ATP2C1: variants seen among roughly 807,000 people sequenced by gnomAD.
The protein encoded by ATP2C1 is calcium-transporting ATPase type 2C member 1.
A neutral mutation model predicts 120.5 loss-of-function variants in ATP2C1; 31 were observed. The observed-to-expected ratio is 0.26, with a 90% confidence interval of 0.19 to 0.35. ATP2C1 has a LOEUF of 0.35. ATP2C1 is among the 10% of genes least tolerant of loss of function. The probability of loss-of-function intolerance (pLI) is 1.00; values close to 1 mark genes in which losing one functional copy is unlikely to be tolerated. For missense variants in ATP2C1, 731 were observed against 1,107.5 expected, an observed-to-expected ratio of 0.66 and a Z score of 4.83; for synonymous variants, 351 against 358.7, an observed-to-expected ratio of 0.98 and a Z score of 0.24.
upstream of ATP2C1, chr3:130,894,014 C>G (rs915019928): frequency 4.1e-6 from 4 of 986,296 alleles, no homozygotes; most frequent in African/African-American, 1.7e-5. The surrounding 1 kb of genome is among the most constrained non-coding windows in gnomAD (Gnocchi z 4.5). Flanking sequence ...GCGGCTGGCC[C>G]AGGAGTGCGG....
intron 25 of ATP2C1, 137 bp from the exon 26 acceptor site, chr3:130,998,157 G>C: frequency 1.4e-6 from 1 of 692,086 alleles, no homozygotes; most frequent in Non-Finnish European, 2.6e-6. Flanking sequence ...GGAAATTTAG[G>C]TAGCTTTTAT....
intron 1 of ATP2C1, among the ~76,000 whole-genome samples, chr3:130,886,752 A>T (rs906472942): frequency 2.0e-5 from 3 of 152,070 alleles, no homozygotes; most frequent in Non-Finnish European, 4.4e-5. Context: ...CTTTTCTGTT[A>T]TCTTGAATTT....
intron 5 of ATP2C1, among the ~76,000 whole-genome samples, 157 bp downstream of exon 5, chr3:130,934,868 G>A (rs1283741408): frequency 3.3e-5 from 5 of 151,958 alleles, no homozygotes; most frequent in Non-Finnish European, 5.9e-5. Flanking sequence ...GTTTCTTGTT[G>A]TATTGCCCAG....
intron 6 of ATP2C1, among the ~76,000 whole-genome samples, chr3:130,937,785 T>TA (rs1188772465): frequency 6.6e-6 from 1 of 152,148 alleles, no homozygotes; most frequent in Non-Finnish European, 1.5e-5. Context: ...TTTTTTCAAT[T>TA]AAAAAATTGG....
Position 130,942,748 on chromosome 3 carries a change from G to A in ATP2C1, c.531+1049G>A, listed in dbSNP as rs191571980. Among the ~76,000 whole-genome samples, 9 of 152,098 alleles carry A rather than the reference G, an allele frequency of 5.9e-5. No individual in the cohort carries two copies. The East Asian group carries it at 7.7e-4, about 13-fold the overall frequency. On this transcript the variant is annotated intron_variant, in intron 8 of 27. Transcript: ENST00000510168. ...ATTTTACTTCATTATCCTTTTTCTC[G>A]TCTTTGAGGTCTTTTTAATGTTAAT...
intron 26 of ATP2C1, among the ~76,000 whole-genome samples, chr3:131,012,116 T>G (rs2063337866): frequency 1.3e-5 from 2 of 152,166 alleles, no homozygotes; most frequent in South Asian, 4.1e-4. Context: ...TAGATGTAAT[T>G]CAGTGGTTTT....
chr3:130,897,849 G>C (rs545929007), intron 2 of ATP2C1, among the ~76,000 whole-genome samples: 74 of 152,204 alleles, frequency 4.9e-4, no homozygotes, highest in Middle Eastern at 3.4e-3. Context: ...GGAATTTTTG[G>C]ACTACTTAAC....
chr3:130,989,018 C>T (rs186337129), intron 20 of ATP2C1, among the ~76,000 whole-genome samples: 105 of 152,048 alleles, frequency 6.9e-4, no homozygotes, highest in African/African-American at 2.4e-3. Context: ...TTTGGGAGGC[C>T]GAGGCTGGTG....
At chr3:130,916,763 T>C (rs2058709436) in intron 2 of ATP2C1, among the ~76,000 whole-genome samples, 1 of 152,242 alleles carries the variant, frequency 6.6e-6, no homozygotes, top group African/African-American at 2.4e-5. Context: ...GACAGCTCAA[T>C]TTTTCTTTTT....
intron 18 of ATP2C1, among the ~76,000 whole-genome samples, chr3:130,976,334 T>C (rs74394870): frequency 0.027 from 4,091 of 152,258 alleles, 190 homozygotes; most frequent in African/African-American, 0.093. Flanking sequence ...AAAGGTACTC[T>C]TACCAGCAGA....
At chr3:130,956,426 T>G (rs916741793) in intron 11 of ATP2C1, among the ~76,000 whole-genome samples, 1 of 152,156 alleles carries the variant, frequency 6.6e-6, no homozygotes, top group Non-Finnish European at 1.5e-5. Context: ...TCAACAAGAA[T>G]GTAATACGAT....
At chr3:130,876,165 C>G (rs1233480099) in intron 1 of ATP2C1, among the ~76,000 whole-genome samples, 1 of 151,740 alleles carries the variant, frequency 6.6e-6, no homozygotes, top group Non-Finnish European at 1.5e-5. Context: ...TTTTTGTTCC[C>G]TGTACTCTTG....
chr3:130,961,146 C>A, intron 12 of ATP2C1, among the ~76,000 whole-genome samples: 1 of 150,302 alleles, frequency 6.7e-6, no homozygotes. Context: ...TGTTTAAAAA[C>A]GCCATGGGTT....
chr3:130,862,591 G>T (rs954069582), intron 1 of ATP2C1, among the ~76,000 whole-genome samples: 57 of 152,102 alleles, frequency 3.7e-4, no homozygotes, highest in Non-Finnish European at 1.6e-4. Context: ...CCTAGCTTTT[G>T]GCTCTGTTTC....
intron 2 of ATP2C1, among the ~76,000 whole-genome samples, chr3:130,913,904 C>T (rs899107746): frequency 3.9e-5 from 6 of 152,164 alleles, no homozygotes; most frequent in Non-Finnish European, 8.8e-5. Flanking sequence ...GGGCACATTA[C>T]TTCTTTAATC....
At chr3:130,967,530 C>A in intron 16 of ATP2C1, 111 bp downstream of exon 16, 1 of 842,996 alleles carries the variant, frequency 1.2e-6, no homozygotes, top group Non-Finnish European at 2.0e-6. Context: ...GAAAAAAACT[C>A]ATACTATTTC....
chr3:130,918,057 A>C (rs1426727769), intron 2 of ATP2C1, among the ~76,000 whole-genome samples: 1 of 152,170 alleles, frequency 6.6e-6, no homozygotes, highest in Non-Finnish European at 1.5e-5. Flanking sequence ...GCAAAAGGAT[A>C]AGATATAGTG....
chr3:130,918,147 T>C, intron 2 of ATP2C1: 1 of 893,028 alleles, frequency 1.1e-6, no homozygotes, highest in Non-Finnish European at 1.9e-6. Context: ...TTTGCAGTAG[T>C]TTAGAAAGAT....
At chr3:130,882,055 C>G (rs986551967) in intron 1 of ATP2C1, among the ~76,000 whole-genome samples, 3 of 152,028 alleles carry the variant, frequency 2.0e-5, no homozygotes, top group Non-Finnish European at 4.4e-5. Context: ...TTTCTCTTGC[C>G]TAATTGCTCT....
Sources: gnomAD v4.1 joint callset for allele counts (sites outside exome capture counted in the v4.1 genomes callset) on GRCh38, gnomAD v4.1.1 for gene constraint, Gnocchi (gnomAD v3.1) non-coding constraint, MANE v1.5 for transcripts, NCBI Gene and HGNC (gene_info 2026-07-23, HGNC 2026-07-21) for gene names.